The following FSD1L variants were observed in gnomAD, a reference collection of about 807,000 sequenced individuals.
The protein encoded by FSD1L is FSD1-like protein.
A neutral mutation model predicts 71.6 loss-of-function variants in FSD1L; 45 were observed. The ratio of observed to expected loss-of-function variants is 0.63; its 90% confidence interval spans 0.49 to 0.81. FSD1L has a LOEUF of 0.81. Ranked by LOEUF, FSD1L falls within the 30% of genes least tolerant of loss-of-function variation. The probability of loss-of-function intolerance (pLI) is 0.00; values close to 1 mark genes in which losing one functional copy is unlikely to be tolerated. For synonymous variants in FSD1L, 197 were observed against 207.2 expected, an observed-to-expected ratio of 0.95 and a Z score of 0.42; for missense variants, 561 against 618.1, an observed-to-expected ratio of 0.91 and a Z score of 0.98.
upstream of FSD1L, among the ~76,000 whole-genome samples, chr9:105,444,450 A>T (rs908172793): frequency 3.3e-5 from 5 of 152,184 alleles, no homozygotes; most frequent in Non-Finnish European, 5.9e-5. Flanking sequence ...ACTGACTCCC[A>T]AAGGGATAGA....
Position 105,448,120 on chromosome 9 carries a change from G to A in FSD1L, c.-101G>A, listed in dbSNP as rs1333547457. 1 of 1,277,214 alleles carries A rather than the reference G, an allele frequency of 7.8e-7. No homozygotes were observed. Among genetic ancestry groups the A allele is most frequent in the Non-Finnish European group, 1.1e-6 (1 of 904,940 alleles). The allele number at this position is 1,277,214 out of a possible 1,614,324, so 79.1% of individuals were successfully genotyped here. On this transcript the variant is annotated 5_prime_UTR_variant, in exon 1 of 14. Coordinates refer to ENST00000481272, the MANE Select transcript of FSD1L (RefSeq NM_001145313.3). ...GCCGGGCGGTGCCGGTGCGGGCTGG[G>A]GCAGTGCAGTGAGTAGCGGTCTTGG...
chr9:105,448,088 G>C lies in FSD1L; in HGVS notation c.-133G>C, dbSNP rs1048679198. On this transcript the variant is annotated 5_prime_UTR_variant, in exon 1 of 14. Coordinates refer to ENST00000481272, the MANE Select transcript of FSD1L (RefSeq NM_001145313.3). ...CGGCGCGCGCGGTCTGGGCGCGGACGGGTGGGGCCGGGCGGTGCCGGTGCG... is the reference window on the plus strand; with the variant it reads ...CGGCGCGCGCGGTCTGGGCGCGGACCGGTGGGGCCGGGCGGTGCCGGTGCG... 2.9e-6 allele frequency: 3 copies of C among 1,022,306 alleles called. No homozygotes were observed. The South Asian group carries it at 4.2e-5, about 14-fold the overall frequency. The allele number at this position is 1,022,306 out of a possible 1,614,324, so 63.3% of individuals were successfully genotyped here.
chr9:105,466,458 C>T (rs1175688202), intron 3 of FSD1L, among the ~76,000 whole-genome samples: 1 of 152,004 alleles, frequency 6.6e-6, no homozygotes, highest in Non-Finnish European at 1.5e-5. Context: ...CATGGGAGGC[C>T]GAGTCAGGTG....
intron 13 of FSD1L, among the ~76,000 whole-genome samples, chr9:105,542,241 G>T (rs1318955220): frequency 6.6e-6 from 1 of 152,084 alleles, no homozygotes; most frequent in Non-Finnish European, 1.5e-5. Flanking sequence ...ATGAGAGTTG[G>T]TCATATCCTT....
chr9:105,519,220 G>C (rs1448650627), intron 10 of FSD1L, among the ~76,000 whole-genome samples: 1 of 152,134 alleles, frequency 6.6e-6, no homozygotes, highest in Non-Finnish European at 1.5e-5. Context: ...AATTCTACCA[G>C]AGGTACAAAG....
intron 10 of FSD1L, among the ~76,000 whole-genome samples, chr9:105,533,492 G>A (rs1403344964): frequency 7.4e-6 from 1 of 135,522 alleles, no homozygotes; most frequent in South Asian, 2.3e-4. Flanking sequence ...GCGCCATCTC[G>A]GCTCACTACA....
At chr9:105,470,269 A>T (rs887816402) in intron 4 of FSD1L, among the ~76,000 whole-genome samples, 6 of 151,898 alleles carry the variant, frequency 4.0e-5, no homozygotes, top group Admixed American at 3.3e-4. Context: ...TTTTATATAT[A>T]TTTTTTCTGT....
At chr9:105,466,265 T>C (rs1831062352) in intron 3 of FSD1L, among the ~76,000 whole-genome samples, 1 of 152,142 alleles carries the variant, frequency 6.6e-6, no homozygotes, top group Non-Finnish European at 1.5e-5. Context: ...AAATATCCCA[T>C]GTTTGTGGAT....
At chr9:105,480,771 G>A (rs188872944) in intron 6 of FSD1L, among the ~76,000 whole-genome samples, 2 of 152,240 alleles carry the variant, frequency 1.3e-5, no homozygotes, top group Non-Finnish European at 2.9e-5. Context: ...GATTTGGGTT[G>A]TGTCTGGAAA....
At chr9:105,490,177 A>G (rs1166604846) in intron 7 of FSD1L, among the ~76,000 whole-genome samples, 1 of 152,074 alleles carries the variant, frequency 6.6e-6, no homozygotes, top group African/African-American at 2.4e-5. Flanking sequence ...TTGTTTCCTG[A>G]CTTTTTAATG....
chr9:105,496,263 G>A (rs931474276), intron 7 of FSD1L, among the ~76,000 whole-genome samples: 4 of 148,068 alleles, frequency 2.7e-5, no homozygotes, highest in African/African-American at 1.0e-4. Context: ...GAGTGCAGTG[G>A]CACAATCTCT....
At chr9:105,541,104 A>G (rs1300208180) in intron 13 of FSD1L, among the ~76,000 whole-genome samples, 1 of 152,128 alleles carries the variant, frequency 6.6e-6, no homozygotes, top group Non-Finnish European at 1.5e-5. Context: ...GTGGGTTGAA[A>G]ATACAGTGCT....
At chr9:105,482,609 C>T (rs544213706) in intron 6 of FSD1L, among the ~76,000 whole-genome samples, 2 of 152,168 alleles carry the variant, frequency 1.3e-5, no homozygotes, top group African/African-American at 4.8e-5. Context: ...AGGCACATGT[C>T]TAAATACATG....
intron 13 of FSD1L, among the ~76,000 whole-genome samples, chr9:105,539,877 T>C (rs1836497485): frequency 6.6e-6 from 1 of 152,186 alleles, no homozygotes. Context: ...TATCAATTGA[T>C]TTATAAATTT....
intron 1 of FSD1L, among the ~76,000 whole-genome samples, chr9:105,453,823 T>G (rs1170756316): frequency 1.3e-5 from 2 of 152,216 alleles, no homozygotes; most frequent in African/African-American, 4.8e-5. Flanking sequence ...TTTGCTGTAG[T>G]GCTAGATATT....
intron 13 of FSD1L, among the ~76,000 whole-genome samples, chr9:105,542,673 C>A (rs2131527950): frequency 6.6e-6 from 1 of 152,262 alleles, no homozygotes; most frequent in South Asian, 2.1e-4. Context: ...CCAGGCTGGT[C>A]TCAAAGTCCT....
At chr9:105,475,734 A>G (rs1831752128) in intron 5 of FSD1L, among the ~76,000 whole-genome samples, 1 of 152,266 alleles carries the variant, frequency 6.6e-6, no homozygotes, top group African/African-American at 2.4e-5. Flanking sequence ...ATGCCTAATC[A>G]TAAAACAGTT....
chr9:105,478,491 G>T (rs1831959328), intron 5 of FSD1L, among the ~76,000 whole-genome samples: 1 of 152,154 alleles, frequency 6.6e-6, no homozygotes, highest in South Asian at 2.1e-4. Flanking sequence ...AAACAGCCTT[G>T]TCTATGTCTG....
At chr9:105,532,329 C>T (rs1221237367) in intron 10 of FSD1L, among the ~76,000 whole-genome samples, 1 of 152,104 alleles carries the variant, frequency 6.6e-6, no homozygotes, top group Non-Finnish European at 1.5e-5. Flanking sequence ...AATTATGATA[C>T]AGTTCTTTTT....
Sources: allele counts gnomAD v4.1 joint callset (sites outside exome capture counted in the v4.1 genomes callset), GRCh38; gene constraint gnomAD v4.1.1; transcripts MANE v1.5; gene names NCBI Gene and HGNC (gene_info 2026-07-23, HGNC 2026-07-21).